DMD: variants seen among roughly 807,000 people sequenced by gnomAD.
DMD encodes dystrophin, also known as mutant dystrophin.
A neutral mutation model predicts 330.1 loss-of-function variants in DMD; 63 were observed. The observed-to-expected ratio is 0.19, with a 90% CI of 0.16 to 0.24. DMD has a LOEUF of 0.24. DMD is among the 10% of genes least tolerant of loss of function. The pLI is 1.00. For missense variants in DMD, 3,344 were observed against 2,684.1 expected, an observed-to-expected ratio of 1.25 and a Z score of -5.43; for synonymous variants, 1,223 against 959.8, an observed-to-expected ratio of 1.27 and a Z score of -5.07.
At chrX:31,645,599 G>A (rs2080044369) in intron 54 of DMD, among the ~76,000 whole-genome samples, 1 of 112,504 alleles carries the variant, frequency 8.9e-6, no homozygotes, top group Non-Finnish European at 1.9e-5. Flanking sequence ...CTCACGGTGA[G>A]ATGATTTCCC....
intron 2 of DMD, among the ~76,000 whole-genome samples, chrX:32,980,529 T>C (rs1265518362): frequency 9.1e-6 from 1 of 110,358 alleles, no homozygotes; most frequent in East Asian, 2.8e-4. Flanking sequence ...TCTTCACTTT[T>C]CCATTCCCAC....
At chrX:32,427,816 G>C (rs1308709046) in intron 29 of DMD, among the ~76,000 whole-genome samples, 1 of 110,577 alleles carries the variant, frequency 9.0e-6, no homozygotes, top group Non-Finnish European at 1.9e-5. Context: ...GTCTCCTCAG[G>C]CTTTCTATAT....
At chrX:33,163,618 C>A (rs59164308) in intron 1 of DMD, among the ~76,000 whole-genome samples, 401 of 24,846 alleles carry the variant, frequency 0.016, 2 homozygotes, top group Non-Finnish European at 0.04. Flanking sequence ...CTATATCTAT[C>A]TCTATCTATC....
intron 55 of DMD, among the ~76,000 whole-genome samples, chrX:31,529,014 G>A (rs2073469344): frequency 9.0e-6 from 1 of 111,123 alleles, no homozygotes; most frequent in Admixed American, 9.6e-5. Context: ...ACAGTTAAAG[G>A]AGTTTGAGAA....
At chrX:32,955,602 AACCT>A (rs2091528925) in intron 2 of DMD, among the ~76,000 whole-genome samples, 1 of 111,270 alleles carries the variant, frequency 9.0e-6, no homozygotes, top group African/African-American at 3.3e-5. Flanking sequence ...TTTGTCATGA[AACCT>A]TTGTCTGTTC....
chrX:32,989,464 G>T (rs944931349), intron 2 of DMD, among the ~76,000 whole-genome samples: 1 of 111,750 alleles, frequency 8.9e-6, no homozygotes, highest in Non-Finnish European at 1.9e-5. Flanking sequence ...TTCAGAAAAT[G>T]TCATCGTTAG....
intron 50 of DMD, among the ~76,000 whole-genome samples, chrX:31,797,158 AG>A (rs2091870454): frequency 8.9e-6 from 1 of 112,186 alleles, no homozygotes; most frequent in Non-Finnish European, 1.9e-5. Context: ...ATTGACAATA[AG>A]TACAGGATAG....
At chrX:31,225,187 C>T (rs2046458224) in intron 63 of DMD, among the ~76,000 whole-genome samples, 1 of 112,251 alleles carries the variant, frequency 8.9e-6, no homozygotes, top group Non-Finnish European at 1.9e-5. Flanking sequence ...GAACAGTACA[C>T]TCTGATGTAT....
At chrX:33,189,751 C>T (rs905450740) in intron 1 of DMD, among the ~76,000 whole-genome samples, 1 of 111,256 alleles carries the variant, frequency 9.0e-6, no homozygotes, top group Non-Finnish European at 1.9e-5. Context: ...ACATACATCA[C>T]GGAGTTGGCA....
At chrX:32,901,855 CT>C (rs1410887009) in intron 2 of DMD, among the ~76,000 whole-genome samples, 2 of 110,224 alleles carry the variant, frequency 1.8e-5, no homozygotes, top group Admixed American at 1.9e-4. Flanking sequence ...ATCCTTTCAT[CT>C]ACTTTTATCT....
chrX:33,329,677 T>C (rs2148962810), intron 1 of DMD, among the ~76,000 whole-genome samples: 1 of 111,708 alleles, frequency 9.0e-6, no homozygotes, highest in South Asian at 3.7e-4. Flanking sequence ...GCTGTATGGC[T>C]TCAAGTACAT....
In DMD at chrX:31,992,768, T is replaced by C. The variant is rs2095559390; in HGVS notation, c.6439-24254A>G. On this transcript the variant is annotated intron_variant, in intron 44 of 78. Coordinates refer to ENST00000357033, the MANE Select transcript of DMD (RefSeq NM_004006.3). Reference sequence around the variant, plus strand: ...ATATAAATGAAAATGAAACTAGAAATAAATTAAAATTCTTTACCAAGGTAA... The same window carrying C: ...ATATAAATGAAAATGAAACTAGAAACAAATTAAAATTCTTTACCAAGGTAA... 2.7e-5 allele frequency among the ~76,000 whole-genome samples: 3 copies of C among 111,682 alleles called. No individual in the cohort carries two copies. In the South Asian group the frequency reaches 1.1e-3, roughly 41 times the overall value.
At chrX:33,112,895 G>T (rs1319127735) in intron 1 of DMD, among the ~76,000 whole-genome samples, 1 of 108,718 alleles carries the variant, frequency 9.2e-6, no homozygotes, top group Non-Finnish European at 1.9e-5. Flanking sequence ...AGAGGTTGCA[G>T]TGAGCCAAGA....
Position 31,812,952 on chromosome X carries a change from T to A in DMD, c.7309+7023A>T, listed in dbSNP as rs375459251. ...GTAGACCCTGAGACAAGGATTTAAA[T>A]ACAAATAATTCAATTGGGAGCTGAT... On this transcript the variant is annotated intron_variant, in intron 50 of 78. Transcript: ENST00000357033. 5.3e-5 allele frequency among the ~76,000 whole-genome samples: 6 copies of A among 112,441 alleles called. No individual in the cohort carries two copies. The East Asian group carries it at 1.7e-3, about 32-fold the overall frequency.
Position 32,222,333 on chromosome X carries a change from TCA to T in DMD, c.6291-5272_6291-5271del, listed in dbSNP as rs771052372. ...TGCCTACATCAAAGAGCCTGAAAGT[TCA>T]CAGTCTGACTACCTAACATCACACC... is the stretch of plus-strand genomic sequence containing the variant. On this transcript the variant is annotated intron_variant, in intron 43 of 78. Coordinates refer to ENST00000357033, the MANE Select transcript of DMD (RefSeq NM_004006.3). Among the ~76,000 whole-genome samples, 14 of 111,738 alleles carry T rather than the reference TCA, an allele frequency of 1.3e-4. No individual in the cohort carries two copies. In the East Asian group the frequency reaches 4.0e-3, roughly 32 times the overall value.
At position 31,120,888 on chromosome X, in the gene DMD, C is replaced by T. The variant is rs112666076; in HGVS notation, c.*1031G>A. ...ATGTATCAATCAATCAATCAATCAA[C>T]CAACCAACCGATTACTCACTCTGAT... On this transcript the variant is annotated 3_prime_UTR_variant, in exon 79 of 79. Coordinates refer to ENST00000357033, the MANE Select transcript of DMD (RefSeq NM_004006.3). 3.5e-3 allele frequency: 331 copies of T among 93,360 alleles called. 1 individual carries two copies. The highest frequency in any genetic ancestry group is 4.4e-3 in the Non-Finnish European group (214 of 48,214). The allele number at this position is 93,360 out of a possible 1,213,427, so 7.7% of individuals were successfully genotyped here.
At chrX:31,940,637 G>A (rs1356948498) in intron 45 of DMD, among the ~76,000 whole-genome samples, 1 of 110,065 alleles carries the variant, frequency 9.1e-6, no homozygotes, top group Non-Finnish European at 1.9e-5. Flanking sequence ...TGTAAAGTTT[G>A]CATGAACGGA....
intron 13 of DMD, among the ~76,000 whole-genome samples, chrX:32,577,913 T>C (rs1022340636): frequency 8.9e-6 from 1 of 112,552 alleles, no homozygotes; most frequent in African/African-American, 3.2e-5. Flanking sequence ...TGTGATGCCA[T>C]ATGCACAAGT....
At chrX:33,181,834 A>G (rs918284148) in intron 1 of DMD, among the ~76,000 whole-genome samples, 3 of 112,124 alleles carry the variant, frequency 2.7e-5, no homozygotes, top group Non-Finnish European at 3.8e-5. Context: ...CTCTCAGCAG[A>G]TTAGCTTCCT....
Sources: allele counts gnomAD v4.1 joint callset (sites outside exome capture counted in the v4.1 genomes callset), GRCh38; gene constraint gnomAD v4.1.1; transcripts MANE v1.5; gene names NCBI Gene and HGNC (gene_info 2026-07-23, HGNC 2026-07-21).